THSD7B: variants seen among roughly 807,000 people sequenced by gnomAD.
The protein encoded by THSD7B is thrombospondin type 1 domain containing 7B, also known as thrombospondin type-1 domain-containing protein 7B.
A neutral mutation model predicts 213.6 loss-of-function variants in THSD7B; 138 were observed. That is an observed-to-expected ratio of 0.65 (90% CI 0.56 to 0.74). THSD7B has a LOEUF of 0.74. THSD7B is among the 30% of genes least tolerant of loss of function. THSD7B has a pLI of 0.00. For synonymous variants in THSD7B, 742 were observed against 687.0 expected (o/e 1.08, Z -1.25); for missense variants, 1,931 against 1,991.5 (o/e 0.97, Z 0.58).
intron 15 of THSD7B, chr2:137,538,638 C>A: frequency 2.9e-6 from 1 of 347,920 alleles, no homozygotes; most frequent in East Asian, 8.6e-5. Context: ...AAATTCCTCC[C>A]ATAGAAGAGT....
intron 17 of THSD7B, among the ~76,000 whole-genome samples, chr2:137,576,379 G>T (rs1182218034): frequency 1.3e-5 from 2 of 152,068 alleles, no homozygotes; most frequent in Admixed American, 1.3e-4. Flanking sequence ...ATGTATCAGG[G>T]GTTGGCCAGA....
chr2:137,197,327 A>G (rs1416567970), intron 7 of THSD7B, among the ~76,000 whole-genome samples: 1 of 152,176 alleles, frequency 6.6e-6, no homozygotes, highest in African/African-American at 2.4e-5. Context: ...TGAATATTCC[A>G]GTTGAGGATG....
At chr2:137,361,131 T>G (rs183084763) in intron 12 of THSD7B, among the ~76,000 whole-genome samples, 28 of 152,228 alleles carry the variant, frequency 1.8e-4, no homozygotes, top group African/African-American at 6.5e-4. Flanking sequence ...GACCTGTAGC[T>G]GAGGGACCTG....
chr2:137,063,793 G>A (rs1687324953), intron 3 of THSD7B, among the ~76,000 whole-genome samples: 1 of 152,024 alleles, frequency 6.6e-6, no homozygotes, highest in African/African-American at 2.4e-5. Flanking sequence ...TTCTGTGCCT[G>A]GCCATTTAAC....
rs533330662 is a variant in THSD7B, at chr2:137,405,527, T to A, written c.2501-86T>A. On this transcript the variant is annotated intron_variant, in intron 12 of 27. Coordinates refer to ENST00000409968, the MANE Select transcript of THSD7B (RefSeq NM_001316349.2). ...TTTGTGAAGCCCAAGTTTTTAAACA[T>A]TGGGGGATTCTGCTGTCTTGTCAAA... The A allele has an allele frequency of 3.1e-6, 4 of 1,306,252 alleles. No individual in the cohort carries two copies. The East Asian group carries it at 7.6e-5, about 25-fold the overall frequency. The allele number at this position is 1,306,252 out of a possible 1,614,324, so 80.9% of individuals were successfully genotyped here.
At chr2:136,863,211 C>A (rs934425785) in intron 1 of THSD7B, among the ~76,000 whole-genome samples, 1 of 152,158 alleles carries the variant, frequency 6.6e-6, no homozygotes, top group Non-Finnish European at 1.5e-5. Flanking sequence ...CAGCCATTGG[C>A]GATTAGTTGG....
intron 15 of THSD7B, among the ~76,000 whole-genome samples, chr2:137,513,648 T>G (rs1051210774): frequency 6.6e-6 from 1 of 152,104 alleles, no homozygotes; most frequent in Non-Finnish European, 1.5e-5. Context: ...ATTAAAAAAG[T>G]TATTATTATT....
intron 2 of THSD7B, among the ~76,000 whole-genome samples, chr2:137,047,633 C>T (rs1299323965): frequency 2.6e-5 from 4 of 152,124 alleles, no homozygotes; most frequent in Admixed American, 6.5e-5. Flanking sequence ...CATCTCAAGC[C>T]GTGGTCCACC....
chr2:137,492,088 A>G (rs539354873), intron 15 of THSD7B, among the ~76,000 whole-genome samples: 1 of 152,228 alleles, frequency 6.6e-6, no homozygotes, highest in South Asian at 2.1e-4. Flanking sequence ...AACTAAATTC[A>G]TTCTTTACGG....
intron 12 of THSD7B, among the ~76,000 whole-genome samples, chr2:137,282,570 T>A (rs1326097644): frequency 6.6e-6 from 1 of 152,226 alleles, no homozygotes. Context: ...CAATCTTGAA[T>A]TAATTTTTGT....
intron 2 of THSD7B, among the ~76,000 whole-genome samples, chr2:136,999,116 G>T (rs1685955840): frequency 6.6e-6 from 1 of 152,024 alleles, no homozygotes; most frequent in South Asian, 2.1e-4. Flanking sequence ...TATTTTGCCT[G>T]CAGAGTTCTC....
At chr2:137,068,547 C>T (rs1687421551) in intron 3 of THSD7B, among the ~76,000 whole-genome samples, 1 of 152,022 alleles carries the variant, frequency 6.6e-6, no homozygotes, top group African/African-American at 2.4e-5. Context: ...CATACTCTAC[C>T]AGGATTTTTT....
intron 1 of THSD7B, among the ~76,000 whole-genome samples, chr2:136,835,322 G>A (rs573371485): frequency 1.2e-4 from 18 of 152,260 alleles, no homozygotes; most frequent in African/African-American, 3.9e-4. Flanking sequence ...TTGAGTCCAG[G>A]TGTAACTCTC....
chr2:137,362,405 G>T (rs1047322748), intron 12 of THSD7B, among the ~76,000 whole-genome samples: 3 of 152,076 alleles, frequency 2.0e-5, no homozygotes, highest in African/African-American at 4.8e-5. Flanking sequence ...AATGTGAATG[G>T]GCTAAATGCC....
chr2:136,912,049 G>A (rs1194462109), intron 2 of THSD7B, among the ~76,000 whole-genome samples: 1 of 151,992 alleles, frequency 6.6e-6, no homozygotes, highest in African/African-American at 2.4e-5. Flanking sequence ...AGGTGCAGTG[G>A]CTCATGTAAT....
chr2:137,575,726 A>ACACATATATATATATG (rs1681445413), intron 17 of THSD7B, among the ~76,000 whole-genome samples: 1 of 96,676 alleles, frequency 1.0e-5, no homozygotes, highest in African/African-American at 3.4e-5. Context: ...CATAACACAC[A>ACACATATATATATATG]TATATATATA....
At position 137,242,401 on chromosome 2, in the gene THSD7B, C is replaced by T. The variant is rs111726725; in HGVS notation, c.2151-56C>T. On this transcript the variant is annotated intron_variant, in intron 9 of 27. Transcript: ENST00000409968. ...TCGGTTCTAAAATCCTATAGTTCTG[C>T]GTTCAACGGCTTAGTCTCTCAAAAA... 12,433 of 1,352,730 alleles carry T rather than the reference C, an allele frequency of 9.2e-3. 83 individuals carry two copies. The highest frequency in any genetic ancestry group is 0.017 in the South Asian group (1,479 of 84,742). The allele number at this position is 1,352,730 out of a possible 1,614,324, so 83.8% of individuals were successfully genotyped here. A position where few individuals can be genotyped will look rare whatever the true frequency, so the allele number is the denominator to read the frequency against.
intron 10 of THSD7B, among the ~76,000 whole-genome samples, chr2:137,246,241 A>G (rs906756876): frequency 1.3e-5 from 2 of 152,186 alleles, no homozygotes; most frequent in African/African-American, 4.8e-5. Context: ...TTTTGTGGCT[A>G]TGGCTTCAGG....
At chr2:137,089,731 G>A (rs898890740) in intron 3 of THSD7B, among the ~76,000 whole-genome samples, 4 of 151,736 alleles carry the variant, frequency 2.6e-5, no homozygotes, top group African/African-American at 9.7e-5. Context: ...GGTGATGGGT[G>A]CACCGAAATC....
Sources: allele counts gnomAD v4.1 joint callset (sites outside exome capture counted in the v4.1 genomes callset), GRCh38; gene constraint gnomAD v4.1.1; transcripts MANE v1.5; gene names NCBI Gene and HGNC (gene_info 2026-07-23, HGNC 2026-07-21).